Variants in PICK1 observed in about 807,000 individuals in gnomAD.
PICK1 encodes PRKCA-binding protein.
In PICK1, 23 loss-of-function variants were observed where a neutral mutation model predicts 48.9. That is an observed-to-expected ratio of 0.47 (90% CI 0.34 to 0.67). The LOEUF (loss-of-function observed/expected upper bound fraction) is 0.67. PICK1 is among the 30% of genes least tolerant of loss of function. The pLI is 0.01. For missense variants in PICK1, 423 were observed against 557.1 expected (o/e 0.76, Z 2.42); for synonymous variants, 217 against 228.2 (o/e 0.95, Z 0.44).
Position 38,074,318 on chromosome 22 carries a change from G to C in PICK1, c.846G>C (p.Glu282Asp), listed in dbSNP as rs1289821026. 2 of 1,612,672 alleles carry C rather than the reference G, an allele frequency of 1.2e-6. No homozygotes were observed. Among genetic ancestry groups the C allele is most frequent in the East Asian group, 4.5e-5 (2 of 44,846 alleles). The change falls in exon 12 of 13, where the codon GAG becomes GAC. Residue 282 changes from glutamate to aspartate, a missense_variant. Around this residue, in one of 2 missense-constraint regions of PICK1, gnomAD observed 279 missense variants for 417.8 expected, o/e 0.67. Transcript: ENST00000356976. The surrounding 1 kb of genome is among the most constrained non-coding windows in gnomAD (Gnocchi z 4.5). ...CACCCCCGCCCCAGGCCCTAGGCGAGCCCCTTTACCGGGTGAGCACCGGCA... is the reference window on the plus strand; with the variant it reads ...CACCCCCGCCCCAGGCCCTAGGCGACCCCCTTTACCGGGTGAGCACCGGCA... ...DEEYSCIALG[E>D]PLYRVSTGNY... is the part of the protein sequence containing the mutation.
chr22:38,074,576 GC>G lies in PICK1; in HGVS notation c.979+128del. On this transcript the variant is annotated intron_variant, in intron 12 of 12. Transcript: ENST00000356976. The surrounding 1 kb of genome is among the most constrained non-coding windows in gnomAD (Gnocchi z 4.5). ...AGCCCCTCCAGGAGCCCAGCCATCT[GC>G]CCAGAGCCTGGCCTGGGTGGAGCTG... 7.4e-7 allele frequency: 1 copy of G among 1,357,902 alleles called. No homozygotes were observed. Among genetic ancestry groups the G allele is most frequent in the African/African-American group, 1.4e-5 (1 of 69,406 alleles). 84.1% of individuals were successfully genotyped at this position (1,357,902 alleles called of 1,614,324 possible). A position where few individuals can be genotyped will look rare whatever the true frequency, so the allele number is the denominator to read the frequency against.
At position 38,074,822 on chromosome 22, in the gene PICK1, G is replaced by C; in HGVS notation, c.980-42G>C. 2 of 1,602,740 alleles carry C rather than the reference G, an allele frequency of 1.2e-6. No homozygotes were observed. Among genetic ancestry groups the C allele is most frequent in the Non-Finnish European group, 1.7e-6 (2 of 1,179,410 alleles). ...GAGAGTCTCCTCCCTGAGGCAGGCA[G>C]CCAGAGCCCACTGCAGCCTGTCCCC... On this transcript the variant is annotated intron_variant, in intron 12 of 12. Transcript: ENST00000356976. The surrounding 1 kb of genome is among the most constrained non-coding windows in gnomAD (Gnocchi z 4.5).
Position 38,074,892 on chromosome 22 carries a change from C to G in PICK1, c.1008C>G (p.Arg336=), listed in dbSNP as rs768250633. ...AGGACATCGTGTTCCAGCTGCAGCG[C>G]CTCGTGTCCACCATGTCCAAGTACT... ...HVQDIVFQLQ[R]LVSTMSKYYN... is the part of the protein sequence containing the mutation. The change falls in exon 13 of 13, where the codon CGC becomes CGG. Residue 336 remains arginine (R), a synonymous_variant. Transcript: ENST00000356976. The surrounding 1 kb of genome is among the most constrained non-coding windows in gnomAD (Gnocchi z 4.5). 1 of 1,613,230 alleles carries G rather than the reference C, an allele frequency of 6.2e-7. No homozygotes were observed. The highest frequency in any genetic ancestry group is 8.5e-7 in the Non-Finnish European group (1 of 1,180,024).
Position 38,066,500 on chromosome 22 carries a change from G to C in PICK1, c.283-1204G>C, listed in dbSNP as rs1381836895. On this transcript the variant is annotated intron_variant, in intron 4 of 12. Coordinates refer to ENST00000356976, the MANE Select transcript of PICK1 (RefSeq NM_012407.4). This position sits in a 1 kb window ranked among gnomAD's most constrained non-coding sequence, Gnocchi z 4.1. ...ATTGGCCCAGCTCCCCTGTTTGGGT[G>C]CTGGGCAGGGATTACTCTCCCATCT... Among the ~76,000 whole-genome samples the C allele has an allele frequency of 1.3e-5, 2 of 152,214 alleles. No homozygotes were observed. The highest frequency in any genetic ancestry group is 2.9e-5 in the Non-Finnish European group (2 of 68,042).
chr22:38,065,219 G>T, intron 4 of PICK1, 89 bp downstream of exon 4: 1 of 1,371,018 alleles, frequency 7.3e-7, no homozygotes, highest in Admixed American at 2.0e-5. Context: ...AGGCCTGGAA[G>T]GGGGTATCAG....
At position 38,075,142 on chromosome 22, in the gene PICK1, G is replaced by C. The variant is rs191049840; in HGVS notation, c.*10G>C. On this transcript the variant is annotated 3_prime_UTR_variant, in exon 13 of 13. Transcript: ENST00000356976. ...CTGGTGTGACTCCTGAGTGCCCCGC[G>C]GCTGTGGTGCCGGGGGCAGGGTGCG... is the stretch of plus-strand genomic sequence containing the variant. 1.9e-6 allele frequency: 3 copies of C among 1,605,594 alleles called. 1 individual carries two copies. The South Asian group carries it at 3.3e-5, about 18-fold the overall frequency.
chr22:38,071,839 C>G, intron 8 of PICK1, 95 bp downstream of exon 8: 2 of 1,037,668 alleles, frequency 1.9e-6, no homozygotes, highest in Non-Finnish European at 3.0e-6. Context: ...AGCGCCTGAC[C>G]TCAGGCTCCC....
chr22:38,063,658 T>C (rs1400802093), intron 3 of PICK1, among the ~76,000 whole-genome samples: 1 of 150,964 alleles, frequency 6.6e-6, no homozygotes, highest in Non-Finnish European at 1.5e-5. Flanking sequence ...TTTTTTTTTT[T>C]TCGAGACAGT....
chr22:38,070,527 C>T (rs2085652499), intron 6 of PICK1, among the ~76,000 whole-genome samples: 1 of 152,236 alleles, frequency 6.6e-6, no homozygotes, highest in Non-Finnish European at 1.5e-5. Flanking sequence ...CGCTAGAGGC[C>T]TGGCTGCTCC....
chr22:38,071,714 G>T lies in PICK1; in HGVS notation c.526G>T (p.Ala176Ser), dbSNP rs2085699703. 1.2e-6 allele frequency: 2 copies of T among 1,613,482 alleles called. No individual in the cohort carries two copies. The highest frequency in any genetic ancestry group is 1.7e-5 in the Admixed American group (1 of 60,010). ...MTEHTKNLLR[A>S]FYELSQTHRA... ...GGAACACACCAAGAACCTCCTACGG[G>T]CCTTTTATGAGCTGTCGCAGACTCA... Residue 176 changes from alanine to serine, a missense_variant, in exon 8 of 13, where the codon GCC becomes TCC. Ala to Ser is a moderately conservative substitution (Grantham distance 99, BLOSUM62 1). This residue lies in a region of PICK1 where 279 missense variants were observed against 417.8 expected (regional missense o/e 0.67). Transcript: ENST00000356976.
At chr22:38,064,979 C>A (rs759801137) in intron 3 of PICK1, 23 bp from the exon 4 acceptor site, 1 of 1,613,564 alleles carries the variant, frequency 6.2e-7, no homozygotes, top group East Asian at 2.2e-5. Flanking sequence ...TCTTCCCCCA[C>A]CACTCTCCTT....
At chr22:38,069,220 C>A in intron 6 of PICK1, 98 bp downstream of exon 6, 3 of 870,270 alleles carry the variant, frequency 3.4e-6, no homozygotes, top group East Asian at 2.7e-5. Context: ...CTGTGGGTCC[C>A]GCGGGTCTGA....
intron 6 of PICK1, 72 bp from the exon 7 acceptor site, chr22:38,070,766 C>A: frequency 7.2e-7 from 1 of 1,379,960 alleles, no homozygotes; most frequent in Non-Finnish European, 1.0e-6. Context: ...CCTCTCCCCT[C>A]CCCAGCATGG....
intron 5 of PICK1, among the ~76,000 whole-genome samples, chr22:38,068,495 T>G (rs1309688492): frequency 6.6e-6 from 1 of 152,178 alleles, no homozygotes. Flanking sequence ...AAGGGCAGGC[T>G]GGATCTATCT....
chr22:38,071,118 G>A (rs1333023844), intron 7 of PICK1, among the ~76,000 whole-genome samples: 4 of 152,180 alleles, frequency 2.6e-5, no homozygotes, highest in African/African-American at 9.7e-5. Context: ...AGGCTGAGGT[G>A]GGCGGATCAC....
chr22:38,075,451 AGGAGT>A lies in PICK1; in HGVS notation c.*320_*324del. Reference sequence around the variant, plus strand: ...GGAAAAGAAAGGACTTGGAGGTGGCAGGAGTCCGAGCCCTGCTCCTTGTGGGCGCT... The same window carrying A: ...GGAAAAGAAAGGACTTGGAGGTGGCACCGAGCCCTGCTCCTTGTGGGCGCT... On this transcript the variant is annotated 3_prime_UTR_variant, in exon 13 of 13. Transcript: ENST00000356976. The A allele has an allele frequency of 8.9e-6, 3 of 336,092 alleles. No individual in the cohort carries two copies. The highest frequency in any genetic ancestry group is 5.2e-5 in the East Asian group (1 of 19,122). The allele number at this position is 336,092 out of a possible 1,614,324, so 20.8% of individuals were successfully genotyped here. A position where few individuals can be genotyped will look rare whatever the true frequency, so the allele number is the denominator to read the frequency against.
intron 4 of PICK1, among the ~76,000 whole-genome samples, chr22:38,065,551 GAAGAGTGCCC>G (rs1375325843): frequency 3.9e-5 from 6 of 152,182 alleles, no homozygotes; most frequent in African/African-American, 1.2e-4. Context: ...AGGAGGGAAA[GAAGAGTGCCC>G]TTTCCCCATC....
In PICK1 at chr22:38,074,737, GT is replaced by G; in HGVS notation, c.980-126del. On this transcript the variant is annotated intron_variant, in intron 12 of 12. Coordinates refer to ENST00000356976, the MANE Select transcript of PICK1 (RefSeq NM_012407.4). The surrounding 1 kb of genome is among the most constrained non-coding windows in gnomAD (Gnocchi z 4.5). Reference sequence around the variant, plus strand: ...TCCGCCCCTTGCCAGGTCATGAGGGGTCAGGGAAGTGCCCGAGTGGGAAGCC... The same window carrying G: ...TCCGCCCCTTGCCAGGTCATGAGGGGCAGGGAAGTGCCCGAGTGGGAAGCC... 4 of 1,279,370 alleles carry G rather than the reference GT, an allele frequency of 3.1e-6. No homozygotes were observed. Among genetic ancestry groups the G allele is most frequent in the Non-Finnish European group, 4.4e-6 (4 of 917,202 alleles). 79.3% of individuals were successfully genotyped at this position (1,279,370 alleles called of 1,614,324 possible).
intron 9 of PICK1, among the ~76,000 whole-genome samples, 176 bp downstream of exon 9, chr22:38,072,786 C>T (rs1366585642): frequency 6.6e-6 from 1 of 152,104 alleles, no homozygotes; most frequent in Admixed American, 6.5e-5. Context: ...CCATTGACCT[C>T]TGGGCTGGCT....
Sources: gnomAD v4.1 joint callset for allele counts (sites outside exome capture counted in the v4.1 genomes callset) on GRCh38, gnomAD v4.1.1 for gene constraint, gnomAD v4.1.1 regional missense constraint, Gnocchi (gnomAD v3.1) non-coding constraint, MANE v1.5 for transcripts, NCBI Gene and HGNC (gene_info 2026-07-23, HGNC 2026-07-21) for gene names.